ZNF578: variants seen among roughly 807,000 people sequenced by gnomAD.
ZNF578 encodes the protein zinc finger protein 578.
Under a neutral mutation model 8.3 loss-of-function variants are expected in ZNF578, and 8 were observed. The observed-to-expected ratio is 0.96, with a 90% confidence interval of 0.56 to 1.74. ZNF578 has a LOEUF of 1.74. Ranked by LOEUF, ZNF578 falls within the 40% of genes most tolerant of loss-of-function variation. The pLI, the probability that ZNF578 is intolerant of heterozygous loss-of-function variation, is 0.00. For missense variants in ZNF578, 726 were observed against 707.5 expected (o/e 1.03, Z -0.30); for synonymous variants, 206 against 232.2 (o/e 0.89, Z 1.03).
chr19:52,498,235 C>G (rs1348444342), intron 3 of ZNF578, among the ~76,000 whole-genome samples: 1 of 152,036 alleles, frequency 6.6e-6, no homozygotes, highest in Non-Finnish European at 1.5e-5. Flanking sequence ...CAGCTCTCTG[C>G]AACCTCCACC....
At chr19:52,504,947 A>G (rs1392557618) in intron 5 of ZNF578, among the ~76,000 whole-genome samples, 166 bp downstream of exon 5, 4 of 152,152 alleles carry the variant, frequency 2.6e-5, no homozygotes, top group Middle Eastern at 3.2e-3. Context: ...CTGGAGAGCA[A>G]TGGTATATCG....
rs2059473890 is a variant in ZNF578, at chr19:52,516,018, C to G, written c.*3864C>G. ...CGTGTGCAGGGCCCCTGCCAGTGTCCAGCCTCCTCCTGGCAGCTTGCCCTC... is the reference window on the plus strand; with the variant it reads ...CGTGTGCAGGGCCCCTGCCAGTGTCGAGCCTCCTCCTGGCAGCTTGCCCTC... On this transcript the variant is annotated 3_prime_UTR_variant, in exon 6 of 6. Coordinates refer to ENST00000421239, the MANE Select transcript of ZNF578 (RefSeq NM_001099694.2). 6.6e-6 allele frequency among the ~76,000 whole-genome samples: 1 copy of G among 152,124 alleles called. No individual in the cohort carries two copies. The highest frequency in any genetic ancestry group is 1.5e-5 in the Non-Finnish European group (1 of 68,032).
chr19:52,461,470 T>C (rs930126742), intron 2 of ZNF578, among the ~76,000 whole-genome samples: 16 of 152,198 alleles, frequency 1.1e-4, no homozygotes, highest in African/African-American at 3.9e-4. Context: ...TGTAAAGCAA[T>C]TCCAGCAGCA....
intron 2 of ZNF578, chr19:52,458,198 T>C (rs2122757273): frequency 6.5e-6 from 1 of 152,706 alleles, no homozygotes; most frequent in Non-Finnish European, 1.5e-5. Context: ...CCATTTGTAG[T>C]AAATGTTTAA....
intron 2 of ZNF578, chr19:52,458,203 G>A (rs1239058855): frequency 1.3e-5 from 2 of 152,490 alleles, no homozygotes; most frequent in Non-Finnish European, 2.9e-5. Flanking sequence ...TGTAGTAAAT[G>A]TTTAACAGCA....
chr19:52,457,310 C>G (rs1467806589), intron 2 of ZNF578: 3 of 152,144 alleles, frequency 2.0e-5, no homozygotes, highest in Non-Finnish European at 2.9e-5. Flanking sequence ...TGGCTGAACA[C>G]GTGGAGGTTC....
chr19:52,477,738 C>T (rs2059312676), intron 2 of ZNF578, among the ~76,000 whole-genome samples: 1 of 152,084 alleles, frequency 6.6e-6, no homozygotes, highest in African/African-American at 2.4e-5. Context: ...AGAAAATTTC[C>T]CAAGTTTTTG....
chr19:52,467,708 C>T (rs1180382882), intron 2 of ZNF578, among the ~76,000 whole-genome samples: 1 of 151,960 alleles, frequency 6.6e-6, no homozygotes, highest in African/African-American at 2.4e-5. Context: ...TATACAATGT[C>T]AATTTATTGG....
At chr19:52,501,278 C>T (rs1267448262) in intron 3 of ZNF578, among the ~76,000 whole-genome samples, 2 of 152,220 alleles carry the variant, frequency 1.3e-5, no homozygotes, top group Admixed American at 6.5e-5. Flanking sequence ...CTGTGCTGGG[C>T]TCGCCCCCTC....
chr19:52,501,090 T>G (rs2059405449), intron 3 of ZNF578, among the ~76,000 whole-genome samples: 1 of 151,926 alleles, frequency 6.6e-6, no homozygotes, highest in East Asian at 2.0e-4. Flanking sequence ...TGTTGGCCAG[T>G]CTGGTCTTGA....
intron 2 of ZNF578, among the ~76,000 whole-genome samples, chr19:52,490,783 G>A (rs1369135573): frequency 2.6e-5 from 4 of 152,040 alleles, no homozygotes; most frequent in African/African-American, 9.7e-5. Context: ...GACTACAGGT[G>A]ACCGCCACCA....
At position 52,503,874 on chromosome 19, in the gene ZNF578, T is replaced by TGCA. The variant is rs149352230; in HGVS notation, c.64-780_64-778dup. Among the ~76,000 whole-genome samples, 1,059 of 149,758 alleles carry TGCA rather than the reference T, an allele frequency of 7.1e-3. 15 individuals are homozygous for TGCA. Among genetic ancestry groups the TGCA allele is most frequent in the African/African-American group, 0.024 (983 of 40,918 alleles). ...GTGCAGTGGTGCAATCTCAGCTCAC[T>TGCA]GCAACCTCCGCCTCCCGGATTCAAG... On this transcript the variant is annotated intron_variant, in intron 4 of 5. Transcript: ENST00000421239.
At chr19:52,504,573 T>C (rs2059418720) in intron 4 of ZNF578, 82 bp from the exon 5 acceptor site, 1 of 1,598,234 alleles carries the variant, frequency 6.3e-7, no homozygotes, top group Admixed American at 1.8e-5. Flanking sequence ...AAAGAAATAC[T>C]TATTTTCTCT....
At chr19:52,503,800 C>CTTTT (rs59166209) in intron 4 of ZNF578, among the ~76,000 whole-genome samples, 1,733 of 125,454 alleles carry the variant, frequency 0.014, 66 homozygotes, top group African/African-American at 0.046. Context: ...CCTGTGTTTG[C>CTTTT]TTTTTTTTTT....
At chr19:52,477,807 G>C (rs1196725186) in intron 2 of ZNF578, among the ~76,000 whole-genome samples, 1 of 152,138 alleles carries the variant, frequency 6.6e-6, no homozygotes, top group Non-Finnish European at 1.5e-5. Flanking sequence ...GAAAAGCTAG[G>C]GTTAAGGTTA....
chr19:52,505,326 T>C (rs1351744976), intron 5 of ZNF578, among the ~76,000 whole-genome samples: 2 of 152,244 alleles, frequency 1.3e-5, no homozygotes, highest in African/African-American at 4.8e-5. Context: ...TCATTTGGGC[T>C]CACAGCCTCA....
chr19:52,510,988 C>G lies in ZNF578; in HGVS notation c.607C>G (p.His203Asp). 4 of 1,614,184 alleles carry G rather than the reference C, an allele frequency of 2.5e-6. No homozygotes were observed. Among genetic ancestry groups the G allele is most frequent in the Non-Finnish European group, 2.5e-6 (3 of 1,180,034 alleles). ...AAGAATTTCTTGTAGGCCTGAAACACATACTCCTAATAACTATGGGAATAA... is the reference window on the plus strand; with the variant it reads ...AAGAATTTCTTGTAGGCCTGAAACAGATACTCCTAATAACTATGGGAATAA... ...SQRISCRPET[H>D]TPNNYGNNFF... The change falls in exon 6 of 6, where the codon CAT (histidine) becomes GAT (aspartate). Residue 203 changes from histidine (H) to aspartate (D), a missense_variant. Physicochemically the swap from His to Asp is moderately conservative, Grantham distance 81. Coordinates refer to ENST00000421239, the MANE Select transcript of ZNF578 (RefSeq NM_001099694.2).
At chr19:52,494,137 T>TAG (rs150534360) in intron 3 of ZNF578, among the ~76,000 whole-genome samples, 31,232 of 150,848 alleles carry the variant, frequency 0.21, 3,360 homozygotes, top group Non-Finnish European at 0.23. Context: ...AAACAAGAGC[T>TAG]AGAGAGAAGG....
In ZNF578 at chr19:52,511,494, C is replaced by G. The variant is rs751730827; in HGVS notation, c.1113C>G (p.Tyr371Ter). Residue 371 changes from tyrosine (Y) to a stop codon, truncating the protein, a stop_gained, in exon 6 of 6, where the codon TAC becomes TAG. Coordinates refer to ENST00000421239, the MANE Select transcript of ZNF578 (RefSeq NM_001099694.2). LOFTEE classifies it low-confidence loss of function (END_TRUNC). ...GACTTCATACTGGAATAAAACCTTA[C>G]AAGTGTAATGAGTGTGGCAAGATGT... ...HRRLHTGIKP[Y>*]KCNECGKMFG... is the part of the protein sequence containing the mutation. The G allele has an allele frequency of 6.2e-6, 10 of 1,613,924 alleles. No homozygotes were observed. In the East Asian group the frequency reaches 1.1e-4, roughly 18 times the overall value.
Sources: allele counts gnomAD v4.1 joint callset (sites outside exome capture counted in the v4.1 genomes callset), GRCh38; gene constraint gnomAD v4.1.1; transcripts MANE v1.5; gene names NCBI Gene and HGNC (gene_info 2026-07-23, HGNC 2026-07-21).